The following SRPK2 variants were observed in gnomAD, a reference collection of about 807,000 sequenced individuals.
The protein encoded by SRPK2 is SFRS protein kinase 2.
Under a neutral mutation model 90.8 loss-of-function variants are expected in SRPK2, and 21 were observed. The observed-to-expected ratio is 0.23, with a 90% CI of 0.16 to 0.33. SRPK2 has a LOEUF of 0.33. SRPK2 is among the 10% of genes least tolerant of loss of function. The pLI is 1.00. For synonymous variants in SRPK2, 288 were observed against 311.1 expected (o/e 0.93, Z 0.78); for missense variants, 620 against 869.0 (o/e 0.71, Z 3.60).
chr7:105,280,698 A>T (rs1459079964), intron 2 of SRPK2, among the ~76,000 whole-genome samples: 2 of 150,806 alleles, frequency 1.3e-5, no homozygotes, highest in East Asian at 4.0e-4. Context: ...CTGTAATCCT[A>T]GCACTTTGGG....
chr7:105,225,461 G>GTATGGCAGAGCTCCCAAATCAT (rs1171759410), intron 2 of SRPK2, among the ~76,000 whole-genome samples: 1 of 152,178 alleles, frequency 6.6e-6, no homozygotes, highest in Non-Finnish European at 1.5e-5. Flanking sequence ...CCTGAATGAA[G>GTATGGCAGAGCTCCCAAATCAT]TATGGCAGAG....
intron 2 of SRPK2, among the ~76,000 whole-genome samples, chr7:105,233,738 T>C (rs1799800153): frequency 1.3e-5 from 2 of 152,040 alleles, no homozygotes; most frequent in South Asian, 2.1e-4. Context: ...TGTGCACCTG[T>C]AATCCTAGCT....
intron 15 of SRPK2, among the ~76,000 whole-genome samples, chr7:105,122,532 T>TAC (rs1196893141): frequency 1.3e-5 from 2 of 152,238 alleles, no homozygotes; most frequent in Admixed American, 1.3e-4. Flanking sequence ...CTTTGCTCTT[T>TAC]ACAGCATCAA....
intron 2 of SRPK2, among the ~76,000 whole-genome samples, chr7:105,335,008 C>A (rs796223877): frequency 3.1e-5 from 4 of 129,444 alleles, no homozygotes; most frequent in African/African-American, 6.3e-5. Flanking sequence ...GTCTCTACTA[C>A]AAATACAAAA....
chr7:105,227,704 C>T (rs1217964433), intron 2 of SRPK2, among the ~76,000 whole-genome samples: 3 of 152,090 alleles, frequency 2.0e-5, no homozygotes, highest in East Asian at 1.9e-4. Flanking sequence ...AGTTATCATA[C>T]GACCCAGCAA....
rs1016736722 is a variant in SRPK2, at chr7:105,269,068, A to G, written c.72-65283T>C. The G allele has an allele frequency of 7.3e-6, 9 of 1,225,564 alleles. No individual in the cohort carries two copies. The South Asian group carries it at 1.6e-4, about 22-fold the overall frequency. 75.9% of individuals were successfully genotyped at this position (1,225,564 alleles called of 1,614,324 possible). On this transcript the variant is annotated intron_variant, in intron 2 of 15. Coordinates refer to ENST00000393651, the MANE Select transcript of SRPK2 (RefSeq NM_182692.3). ...CATCAGGCCTTGCTAAACTATGCAC[A>G]TGACTGTTTATGAAAGCAGGAAGTA...
At chr7:105,284,876 T>C (rs75367503) in intron 2 of SRPK2, among the ~76,000 whole-genome samples, 2,181 of 152,346 alleles carry the variant, frequency 0.014, 17 homozygotes, top group Non-Finnish European at 0.023. Context: ...TCTTGCTGTT[T>C]GTGAGGTTTC....
upstream of SRPK2, among the ~76,000 whole-genome samples, chr7:105,391,500 C>G (rs918515969): frequency 6.6e-6 from 1 of 152,078 alleles, no homozygotes; most frequent in African/African-American, 2.4e-5. Flanking sequence ...CCACTGCGCC[C>G]GGCTAAAAAT....
intron 2 of SRPK2, among the ~76,000 whole-genome samples, chr7:105,303,874 A>T (rs1043524682): frequency 2.6e-5 from 4 of 152,244 alleles, no homozygotes; most frequent in Non-Finnish European, 5.9e-5. Flanking sequence ...CGTTTGGAAG[A>T]AATTTTCACC....
intron 6 of SRPK2, among the ~76,000 whole-genome samples, chr7:105,163,042 C>T (rs556092628): frequency 3.9e-5 from 6 of 152,002 alleles, no homozygotes; most frequent in Non-Finnish European, 8.8e-5. Flanking sequence ...AGAAAAAGGA[C>T]GAGGTAACAT....
At chr7:105,249,227 A>G (rs1802154830) in intron 2 of SRPK2, among the ~76,000 whole-genome samples, 2 of 152,222 alleles carry the variant, frequency 1.3e-5, no homozygotes, top group African/African-American at 4.8e-5. Flanking sequence ...TTGGAGCTCC[A>G]AAACATAGCT....
At chr7:105,159,387 GCAATGAGCTGAGATTGCACCAC>G (rs1807073342) in intron 7 of SRPK2, among the ~76,000 whole-genome samples, 1 of 133,610 alleles carries the variant, frequency 7.5e-6, no homozygotes, top group Non-Finnish European at 1.5e-5. Flanking sequence ...TCAGGAGGCT[GCAATGAGCTGAGATTGCACCAC>G]TTCACTCCAG....
At chr7:105,249,081 T>C (rs984120251) in intron 2 of SRPK2, among the ~76,000 whole-genome samples, 13 of 152,178 alleles carry the variant, frequency 8.5e-5, no homozygotes, top group African/African-American at 2.9e-4. Flanking sequence ...TTGAGGCATA[T>C]AAATGGAAGT....
intron 1 of SRPK2, among the ~76,000 whole-genome samples, chr7:105,398,346 G>A (rs1021676926): frequency 1.3e-4 from 19 of 150,800 alleles, no homozygotes; most frequent in African/African-American, 4.1e-4. Context: ...CATATCACCC[G>A]TCTTGGGGCC....
chr7:105,311,368 G>A (rs1015585706), intron 2 of SRPK2, among the ~76,000 whole-genome samples: 2 of 152,100 alleles, frequency 1.3e-5, no homozygotes, highest in Non-Finnish European at 2.9e-5. Context: ...GAGTAACTGG[G>A]ACTAGTGGCA....
chr7:105,126,196 C>T, intron 15 of SRPK2, 52 bp downstream of exon 15: 3 of 1,388,296 alleles, frequency 2.2e-6, no homozygotes, highest in Non-Finnish European at 2.0e-6. Flanking sequence ...TCAGCAGCTG[C>T]TCTTCAGTTT....
At chr7:105,374,412 C>T (rs1820057250) in intron 2 of SRPK2, among the ~76,000 whole-genome samples, 1 of 152,090 alleles carries the variant, frequency 6.6e-6, no homozygotes, top group Admixed American at 6.6e-5. Flanking sequence ...ATGTCTTTGA[C>T]CTAATATTTC....
intron 2 of SRPK2, among the ~76,000 whole-genome samples, chr7:105,318,153 G>T (rs1239734513): frequency 6.6e-6 from 1 of 152,192 alleles, no homozygotes; most frequent in Non-Finnish European, 1.5e-5. Context: ...TGAATGCAGT[G>T]GTGTGATCTC....
chr7:105,309,297 G>A (rs536565533), intron 2 of SRPK2, among the ~76,000 whole-genome samples: 4 of 151,394 alleles, frequency 2.6e-5, no homozygotes, highest in East Asian at 1.9e-4. Flanking sequence ...CAGACAATAT[G>A]TCCATTTTTC....
Sources: gnomAD v4.1 joint callset for allele counts (sites outside exome capture counted in the v4.1 genomes callset) on GRCh38, gnomAD v4.1.1 for gene constraint, MANE v1.5 for transcripts, NCBI Gene and HGNC (gene_info 2026-07-23, HGNC 2026-07-21) for gene names.